TMCC1: variants seen among roughly 807,000 people sequenced by gnomAD.
TMCC1 encodes the protein transmembrane and coiled-coil domain family 1.
A neutral mutation model predicts 52.4 loss-of-function variants in TMCC1; 15 were observed. That is an observed-to-expected ratio of 0.29 (90% CI 0.19 to 0.44). TMCC1 has a LOEUF of 0.44. TMCC1 is among the 20% of genes least tolerant of loss of function. The pLI is 1.00. For synonymous variants in TMCC1, 279 were observed against 301.9 expected, an observed-to-expected ratio of 0.92 and a Z score of 0.79; for missense variants, 503 against 806.0, an observed-to-expected ratio of 0.62 and a Z score of 4.55.
At chr3:129,812,766 A>G (rs2057890911) in intron 4 of TMCC1, among the ~76,000 whole-genome samples, 1 of 152,186 alleles carries the variant, frequency 6.6e-6, no homozygotes, top group Non-Finnish European at 1.5e-5. Flanking sequence ...GGACCTGGCA[A>G]AGACTTCATA....
At chr3:129,834,991 T>G (rs1025078847) in intron 2 of TMCC1, among the ~76,000 whole-genome samples, 7 of 152,228 alleles carry the variant, frequency 4.6e-5, no homozygotes, top group African/African-American at 1.7e-4. Flanking sequence ...GCTATTTCCT[T>G]GCATCCAGCC....
intron 1 of TMCC1, among the ~76,000 whole-genome samples, chr3:129,886,501 T>A (rs1414475960): frequency 1.3e-5 from 2 of 152,210 alleles, no homozygotes; most frequent in African/African-American, 4.8e-5. Context: ...AGCGGCATTA[T>A]TCAGAACAGC....
In TMCC1 at chr3:129,827,965, G is replaced by C. The variant is rs1206527254; in HGVS notation, c.414C>G (p.Asn138Lys). ...PEAPKGSPQI[N>K]RKSGQEMTAV... ...CTGTCATCTCCTGACCAGACTTCCT[G>C]TTGATTTGGGGACTTCCCTTTGGGG... Residue 138 changes from asparagine to lysine, a missense_variant, in exon 4 of 7, where the codon AAC becomes AAG. This residue lies in a region of TMCC1 where 217 missense variants were observed against 297.9 expected (regional missense o/e 0.73). Coordinates refer to ENST00000393238, the MANE Select transcript of TMCC1 (RefSeq NM_001017395.5). 3.7e-6 allele frequency: 6 copies of C among 1,614,128 alleles called. No individual in the cohort carries two copies. Among genetic ancestry groups the C allele is most frequent in the Non-Finnish European group, 5.1e-6 (6 of 1,180,014 alleles).
chr3:129,804,707 T>A (rs929630126), intron 4 of TMCC1, among the ~76,000 whole-genome samples: 1 of 152,138 alleles, frequency 6.6e-6, no homozygotes, highest in African/African-American at 2.4e-5. Context: ...GTATATCTAA[T>A]TGTCACATCA....
At chr3:129,703,485 C>T (rs10804592) in intron 4 of TMCC1, among the ~76,000 whole-genome samples, 150,120 of 152,350 alleles carry the variant, frequency 0.99, 74,004 homozygotes, top group East Asian at 1. Flanking sequence ...CTAGTCTGCA[C>T]AGGAGACAGA....
At chr3:129,813,973 T>C (rs1214107860) in intron 4 of TMCC1, among the ~76,000 whole-genome samples, 1 of 138,160 alleles carries the variant, frequency 7.2e-6, no homozygotes, top group Non-Finnish European at 1.5e-5. Flanking sequence ...TGTCCTTAAG[T>C]TCTTTTTCCT....
intron 2 of TMCC1, among the ~76,000 whole-genome samples, chr3:129,851,157 G>A (rs1318739509): frequency 7.0e-6 from 1 of 141,998 alleles, no homozygotes; most frequent in Non-Finnish European, 1.6e-5. Context: ...CTACTCAGAA[G>A]CACATAAATA....
At chr3:129,757,549 G>A (rs1193946873) in intron 4 of TMCC1, among the ~76,000 whole-genome samples, 3 of 152,220 alleles carry the variant, frequency 2.0e-5, no homozygotes, top group Non-Finnish European at 2.9e-5. Flanking sequence ...GGCTGGGCAT[G>A]GTTGCTCATG....
intron 4 of TMCC1, among the ~76,000 whole-genome samples, chr3:129,738,688 T>C (rs1011404113): frequency 1.3e-5 from 2 of 152,168 alleles, no homozygotes; most frequent in East Asian, 1.9e-4. Context: ...AAAATGGAGA[T>C]AGCGTGGTTT....
At chr3:129,833,682 C>T (rs1236230320) in intron 2 of TMCC1, among the ~76,000 whole-genome samples, 2 of 152,096 alleles carry the variant, frequency 1.3e-5, no homozygotes, top group African/African-American at 2.4e-5. Context: ...TCATTTGAGG[C>T]CAAGAGTTCT....
intron 4 of TMCC1, among the ~76,000 whole-genome samples, chr3:129,719,178 A>C: frequency 6.6e-6 from 1 of 152,176 alleles, no homozygotes; most frequent in South Asian, 2.1e-4. Context: ...TGGGAGGGTA[A>C]AGGAAGGAGA....
intron 4 of TMCC1, chr3:129,819,006 G>C (rs1348682642): frequency 1.3e-5 from 2 of 152,986 alleles, no homozygotes; most frequent in Non-Finnish European, 1.5e-5. Context: ...CCTTCTCCAG[G>C]CCAAACAGTT....
intron 2 of TMCC1, among the ~76,000 whole-genome samples, chr3:129,860,127 C>G (rs563298621): frequency 1.3e-5 from 2 of 152,302 alleles, no homozygotes; most frequent in African/African-American, 4.8e-5. Flanking sequence ...TCAATATTTT[C>G]CACCCTCTAC....
intron 2 of TMCC1, among the ~76,000 whole-genome samples, chr3:129,862,518 T>C (rs938734627): frequency 9.9e-5 from 15 of 152,140 alleles, no homozygotes; most frequent in African/African-American, 3.6e-4. Flanking sequence ...ACAAGACATA[T>C]AATAAATAGC....
At chr3:129,887,340 G>C (rs566297397) in intron 1 of TMCC1, among the ~76,000 whole-genome samples, 3 of 151,832 alleles carry the variant, frequency 2.0e-5, no homozygotes, top group Non-Finnish European at 2.9e-5. Flanking sequence ...TCAAGAGATC[G>C]AGACCACCCT....
At chr3:129,710,347 G>C (rs939661816) in intron 4 of TMCC1, among the ~76,000 whole-genome samples, 1 of 152,150 alleles carries the variant, frequency 6.6e-6, no homozygotes, top group South Asian at 2.1e-4. Context: ...TGAGATGGGG[G>C]AATAGGGACG....
intron 4 of TMCC1, among the ~76,000 whole-genome samples, chr3:129,698,292 C>A (rs894023368): frequency 7.2e-5 from 11 of 152,156 alleles, no homozygotes; most frequent in Admixed American, 7.2e-4. Context: ...TACAGGGGAA[C>A]TGCTCTTTAT....
intron 4 of TMCC1, among the ~76,000 whole-genome samples, chr3:129,771,943 T>C (rs2054617626): frequency 6.6e-6 from 1 of 152,048 alleles, no homozygotes; most frequent in African/African-American, 2.4e-5. Flanking sequence ...TTAGTGGCAA[T>C]GGAAACAGGC....
intron 2 of TMCC1, among the ~76,000 whole-genome samples, chr3:129,877,683 C>T (rs144678541): frequency 1.2e-3 from 169 of 139,002 alleles, no homozygotes; most frequent in African/African-American, 4.0e-3. Flanking sequence ...GGCTGGAGTG[C>T]AGTGGCGCAA....
Sources: allele counts gnomAD v4.1 joint callset (sites outside exome capture counted in the v4.1 genomes callset), GRCh38; gene constraint gnomAD v4.1.1; regional missense constraint gnomAD v4.1.1; transcripts MANE v1.5; gene names NCBI Gene and HGNC (gene_info 2026-07-23, HGNC 2026-07-21).